BEND2: variants seen among roughly 807,000 people sequenced by gnomAD.
BEND2 encodes BEN domain containing 2.
Under a neutral mutation model 43.8 loss-of-function variants are expected in BEND2, and 19 were observed. That is an observed-to-expected ratio of 0.43 (90% CI 0.30 to 0.64). The LOEUF (loss-of-function observed/expected upper bound fraction) is 0.64, where lower values mean the gene tolerates loss of function less well. Among genes scored for constraint, BEND2 ranks in the 30% least tolerant of loss-of-function variants. BEND2 has a pLI of 0.11. For missense variants in BEND2, 544 were observed against 574.0 expected, an observed-to-expected ratio of 0.95 and a Z score of 0.53; for synonymous variants, 226 against 210.1, an observed-to-expected ratio of 1.08 and a Z score of -0.66.
intron 4 of BEND2, among the ~76,000 whole-genome samples, chrX:18,208,344 G>A (rs921211543): frequency 1.8e-5 from 2 of 109,716 alleles, no homozygotes; most frequent in African/African-American, 6.6e-5. Context: ...AAAATTAGCC[G>A]GGCGTGGTGG....
intron 13 of BEND2, among the ~76,000 whole-genome samples, chrX:18,169,392 T>C (rs888574785): frequency 9.0e-6 from 1 of 110,756 alleles, no homozygotes; most frequent in African/African-American, 3.3e-5. Context: ...ACACGAAATG[T>C]CTATTATCGG....
At chrX:18,184,600 T>G (rs1924508574) in intron 8 of BEND2, among the ~76,000 whole-genome samples, 2 of 112,221 alleles carry the variant, frequency 1.8e-5, no homozygotes, top group African/African-American at 6.5e-5. Flanking sequence ...GGACTTGGGG[T>G]GTCCCCTGAT....
chrX:18,198,868 A>G (rs1236666282), intron 6 of BEND2, among the ~76,000 whole-genome samples: 36 of 107,656 alleles, frequency 3.3e-4, no homozygotes, highest in Admixed American at 2.4e-3. Context: ...AATACTATGC[A>G]GCCATAAAAA....
At chrX:18,201,788 C>T in intron 6 of BEND2, 27 bp downstream of exon 6, 1 of 1,190,274 alleles carries the variant, frequency 8.4e-7, no homozygotes, top group Non-Finnish European at 1.1e-6. Flanking sequence ...CCACCACGCC[C>T]AGCATTATGT....
Position 18,201,412 on chromosome X carries a change from A to C in BEND2, c.1033+403T>G, listed in dbSNP as rs1380725647. Reference sequence around the variant, plus strand: ...ACTCCATCTCAAAAAAAAAAAAAAAAAAAAACAAAAAAAAAAAAACTGGTG... The same window carrying C: ...ACTCCATCTCAAAAAAAAAAAAAAACAAAAACAAAAAAAAAAAAACTGGTG... On this transcript the variant is annotated intron_variant, in intron 6 of 13. Coordinates refer to ENST00000380033, the MANE Select transcript of BEND2 (RefSeq NM_153346.5). 8.5e-4 allele frequency among the ~76,000 whole-genome samples: 82 copies of C among 96,600 alleles called. 1 individual carries two copies. The highest frequency in any genetic ancestry group is 1.3e-3 in the Non-Finnish European group (67 of 50,638). 83.9% of individuals were successfully genotyped at this position (96,600 alleles called of 115,157 possible).
At chrX:18,179,053 G>A (rs1924281007) in intron 9 of BEND2, among the ~76,000 whole-genome samples, 1 of 110,653 alleles carries the variant, frequency 9.0e-6, no homozygotes, top group Non-Finnish European at 1.9e-5. Context: ...TGAGATTACA[G>A]TCAACTGCCA....
chrX:18,196,884 T>A (rs1192271116), intron 6 of BEND2, among the ~76,000 whole-genome samples: 1 of 111,106 alleles, frequency 9.0e-6, no homozygotes, highest in African/African-American at 3.3e-5. Flanking sequence ...ATGTTCTATG[T>A]CTTGACTGTG....
chrX:18,191,250 T>C, intron 7 of BEND2, 142 bp from the exon 8 acceptor site: 1 of 447,904 alleles, frequency 2.2e-6, no homozygotes. Context: ...AGAAAAACTT[T>C]AAAAAACGGT....
At position 18,190,982 on chromosome X, in the gene BEND2, T is replaced by C. The variant is rs970642714; in HGVS notation, c.1288+19A>G. Reference sequence around the variant, plus strand: ...AGATTAAAGAGTGCTACTTGTAACATATATCATTTCAAACTCACCAAAATC... The same window carrying C: ...AGATTAAAGAGTGCTACTTGTAACACATATCATTTCAAACTCACCAAAATC... On this transcript the variant is annotated intron_variant, in intron 8 of 13. Coordinates refer to ENST00000380033, the MANE Select transcript of BEND2 (RefSeq NM_153346.5). 4 of 1,162,758 alleles carry C rather than the reference T, an allele frequency of 3.4e-6. No individual in the cohort carries two copies. In the African/African-American group the frequency reaches 5.3e-5, roughly 16 times the overall value.
intron 1 of BEND2, among the ~76,000 whole-genome samples, chrX:18,218,474 G>A (rs942850644): frequency 1.2e-3 from 139 of 112,722 alleles, no homozygotes; most frequent in African/African-American, 4.3e-3. Flanking sequence ...CACCGCTAAG[G>A]TTTCTCAGTA....
intron 10 of BEND2, 71 bp from the exon 11 acceptor site, chrX:18,176,164 T>G: frequency 9.9e-7 from 1 of 1,014,323 alleles, no homozygotes; most frequent in Non-Finnish European, 1.3e-6. Flanking sequence ...ATTTTTTTCT[T>G]TAAACACTGA....
intron 7 of BEND2, among the ~76,000 whole-genome samples, chrX:18,192,101 T>A (rs765362235): frequency 8.9e-6 from 1 of 112,217 alleles, no homozygotes; most frequent in African/African-American, 3.2e-5. Flanking sequence ...AGGAACGCTA[T>A]GAAATAATGA....
chrX:18,219,725 A>G (rs1279554546), intron 1 of BEND2, among the ~76,000 whole-genome samples: 1 of 111,353 alleles, frequency 9.0e-6, no homozygotes, highest in Admixed American at 9.5e-5. Flanking sequence ...GGGCAACATG[A>G]CGAAATCCCG....
chrX:18,193,296 C>T (rs761699863), intron 7 of BEND2, among the ~76,000 whole-genome samples: 76 of 108,143 alleles, frequency 7.0e-4, no homozygotes, highest in African/African-American at 2.3e-3. Context: ...CCAGCCTGGG[C>T]GACAGACAGA....
intron 8 of BEND2, among the ~76,000 whole-genome samples, chrX:18,183,299 C>G (rs751924846): frequency 1.8e-5 from 2 of 110,061 alleles, no homozygotes; most frequent in Non-Finnish European, 3.8e-5. Context: ...CACAGTGGAA[C>G]CAAACTAGAA....
intron 6 of BEND2, among the ~76,000 whole-genome samples, chrX:18,200,502 C>CAAAAAAAAA (rs397895069): frequency 5.2e-5 from 2 of 38,646 alleles, no homozygotes; most frequent in African/African-American, 9.7e-5. Context: ...GACTCTGTCT[C>CAAAAAAAAA]AAAAAAAAAA....
At chrX:18,185,764 G>A (rs970349469) in intron 8 of BEND2, among the ~76,000 whole-genome samples, 1 of 109,936 alleles carries the variant, frequency 9.1e-6, no homozygotes, top group Non-Finnish European at 1.9e-5. Context: ...CCTCCAATAC[G>A]ACGGGCAGCA....
chrX:18,179,120 A>G (rs940295189), intron 9 of BEND2, among the ~76,000 whole-genome samples: 13 of 106,598 alleles, frequency 1.2e-4, no homozygotes, highest in Non-Finnish European at 2.3e-4. Context: ...GTACCAATGT[A>G]TATTTCTAAC....
intron 9 of BEND2, 128 bp from the exon 10 acceptor site, chrX:18,177,897 T>C: frequency 1.6e-6 from 1 of 632,980 alleles, no homozygotes; most frequent in Non-Finnish European, 2.4e-6. Context: ...AGATAAATGA[T>C]TTCTAATTCA....
Sources: gnomAD v4.1 joint callset for allele counts (sites outside exome capture counted in the v4.1 genomes callset) on GRCh38, gnomAD v4.1.1 for gene constraint, MANE v1.5 for transcripts, NCBI Gene and HGNC (gene_info 2026-07-23, HGNC 2026-07-21) for gene names.